NYAP2: variants seen among roughly 807,000 people sequenced by gnomAD.
NYAP2 encodes the protein neuronal tyrosine-phosphorylated phosphoinositide-3-kinase adapter 2.
A neutral mutation model predicts 50.4 loss-of-function variants in NYAP2; 23 were observed. That is an observed-to-expected ratio of 0.46 (90% CI 0.33 to 0.65). The LOEUF (loss-of-function observed/expected upper bound fraction) is 0.65, where lower values mean the gene tolerates loss of function less well. Ranked by LOEUF, NYAP2 falls within the 30% of genes least tolerant of loss-of-function variation. The probability of loss-of-function intolerance (pLI) is 0.02; values close to 1 mark genes in which losing one functional copy is unlikely to be tolerated. For missense variants in NYAP2, 885 were observed against 861.0 expected (o/e 1.03, Z -0.35); for synonymous variants, 394 against 365.2 (o/e 1.08, Z -0.90).
intron 4 of NYAP2, among the ~76,000 whole-genome samples, chr2:225,521,003 G>T (rs1357622401): frequency 4.1e-5 from 6 of 147,588 alleles, no homozygotes; most frequent in Admixed American, 2.0e-4. Flanking sequence ...CTTGTAAGTT[G>T]GATTCCTAGG....
At chr2:225,642,629 G>A (rs1273540158) in intron 6 of NYAP2, among the ~76,000 whole-genome samples, 1 of 152,218 alleles carries the variant, frequency 6.6e-6, no homozygotes, top group Non-Finnish European at 1.5e-5. Flanking sequence ...GTCCATCCCT[G>A]TACCAGTCAA....
At chr2:225,537,937 TACAGG>T (rs1451672912) in intron 4 of NYAP2, among the ~76,000 whole-genome samples, 14 of 152,222 alleles carry the variant, frequency 9.2e-5, no homozygotes, top group Admixed American at 1.3e-4. Context: ...ACAAAGTGGC[TACAGG>T]CCCCATGCAA....
intron 5 of NYAP2, among the ~76,000 whole-genome samples, chr2:225,597,512 A>AATTATATATATATAT (rs1553554328): frequency 4.3e-5 from 2 of 46,216 alleles, no homozygotes; most frequent in African/African-American, 1.2e-4. Flanking sequence ...TCCAAGGAGA[A>AATTATATATATATAT]ATATATATAT....
At chr2:225,679,723 G>A in the NYAP2 span, among the ~76,000 whole-genome samples, 387 of 152,086 alleles carry the variant, frequency 2.5e-3, 3 homozygotes, top group Non-Finnish European at 4.4e-3. Flanking sequence ...TTGATCTCCT[G>A]ACCTTGTGAT....
At chr2:225,576,869 G>T (rs1344342750) in intron 4 of NYAP2, among the ~76,000 whole-genome samples, 1 of 152,070 alleles carries the variant, frequency 6.6e-6, no homozygotes, top group Non-Finnish European at 1.5e-5. Flanking sequence ...ATGGAATCTG[G>T]GCTGGATATC....
chr2:225,692,553 A>G, the NYAP2 span, among the ~76,000 whole-genome samples: 6 of 152,110 alleles, frequency 3.9e-5, no homozygotes, highest in African/African-American at 1.4e-4. Context: ...AACCACATAA[A>G]GTGTGACGTG....
At chr2:225,570,036 C>G (rs999305915) in intron 4 of NYAP2, among the ~76,000 whole-genome samples, 2 of 152,312 alleles carry the variant, frequency 1.3e-5, no homozygotes, top group Middle Eastern at 6.8e-3. Context: ...TGTTTCTGTT[C>G]TCTACAAGCA....
At chr2:225,421,493 T>C (rs1574606025) in intron 3 of NYAP2, among the ~76,000 whole-genome samples, 1 of 152,136 alleles carries the variant, frequency 6.6e-6, no homozygotes, top group Non-Finnish European at 1.5e-5. Context: ...AGAAAGACAA[T>C]GGGGAAATAT....
the NYAP2 span, among the ~76,000 whole-genome samples, chr2:225,661,056 A>G: frequency 6.6e-6 from 1 of 152,210 alleles, no homozygotes; most frequent in African/African-American, 2.4e-5. Context: ...GAAAAGGAAA[A>G]GAACAGAAAA....
At chr2:225,637,745 G>A (rs1358133113) in intron 6 of NYAP2, among the ~76,000 whole-genome samples, 1 of 152,144 alleles carries the variant, frequency 6.6e-6, no homozygotes, top group South Asian at 2.1e-4. Context: ...ATCAGAGAAA[G>A]TTTTATTTGG....
At chr2:225,426,505 C>T (rs191224063) in intron 3 of NYAP2, among the ~76,000 whole-genome samples, 115 of 152,208 alleles carry the variant, frequency 7.6e-4, no homozygotes, top group Non-Finnish European at 1.0e-3. Context: ...ATAAGTATAT[C>T]TGAGTGATTG....
intron 4 of NYAP2, among the ~76,000 whole-genome samples, chr2:225,518,478 G>A (rs1690974779): frequency 7.4e-6 from 1 of 135,102 alleles, no homozygotes; most frequent in Admixed American, 8.0e-5. Flanking sequence ...GCATCCTTAA[G>A]AGACTTTGAG....
At chr2:225,677,092 A>G in the NYAP2 span, among the ~76,000 whole-genome samples, 1 of 152,006 alleles carries the variant, frequency 6.6e-6, no homozygotes, top group Non-Finnish European at 1.5e-5. Flanking sequence ...TTTTTTGAGC[A>G]GTGTTTTGTA....
chr2:225,468,781 T>C (rs1689965339), intron 3 of NYAP2, among the ~76,000 whole-genome samples: 1 of 152,162 alleles, frequency 6.6e-6, no homozygotes, highest in Non-Finnish European at 1.5e-5. Flanking sequence ...ACTGAGGACA[T>C]GAAGAGGACA....
rs1216226288 is a variant in NYAP2, at chr2:225,627,227, C to A, written c.1828+101C>A. ...GAATTATCACCACAGATATCTCTGTCTGCACACAGAGAGGCACCACAAGTA... is the reference window on the plus strand; with the variant it reads ...GAATTATCACCACAGATATCTCTGTATGCACACAGAGAGGCACCACAAGTA... On this transcript the variant is annotated intron_variant, in intron 6 of 6. Coordinates refer to ENST00000636099, the Ensembl canonical transcript of NYAP2. The A allele has an allele frequency of 1.4e-5, 12 of 887,246 alleles. No individual in the cohort carries two copies. In the East Asian group the frequency reaches 2.9e-4, roughly 22 times the overall value. 55.0% of individuals were successfully genotyped at this position (887,246 alleles called of 1,614,324 possible).
chr2:225,657,017 TG>T (rs1007239418), downstream of NYAP2, among the ~76,000 whole-genome samples: 140 of 151,414 alleles, frequency 9.2e-4, 2 homozygotes, highest in African/African-American at 3.2e-3. Flanking sequence ...AAAACATGCC[TG>T]GGAGCCTGGA....
chr2:225,628,237 T>C (rs1452839514), intron 6 of NYAP2, among the ~76,000 whole-genome samples: 1 of 151,916 alleles, frequency 6.6e-6, no homozygotes, highest in Non-Finnish European at 1.5e-5. Context: ...AATTTCAAAG[T>C]ATATTTTTGA....
intron 6 of NYAP2, among the ~76,000 whole-genome samples, chr2:225,638,592 A>G (rs568543572): frequency 2.0e-5 from 3 of 152,206 alleles, no homozygotes; most frequent in African/African-American, 7.2e-5. Context: ...CCTACAGGAT[A>G]CCCAGTTACC....
At chr2:225,444,793 C>T (rs756951537) in intron 3 of NYAP2, among the ~76,000 whole-genome samples, 3 of 152,148 alleles carry the variant, frequency 2.0e-5, no homozygotes, top group Non-Finnish European at 2.9e-5. Context: ...GAAACAAAAA[C>T]ATTTCTCCAA....
Sources: allele counts gnomAD v4.1 joint callset (sites outside exome capture counted in the v4.1 genomes callset), GRCh38; gene constraint gnomAD v4.1.1; transcripts MANE v1.5; gene names NCBI Gene and HGNC (gene_info 2026-07-23, HGNC 2026-07-21).